Variants in ARMC9 observed in about 807,000 individuals in gnomAD.
The protein encoded by ARMC9 is lisH domain-containing protein ARMC9.
A neutral mutation model predicts 107.0 loss-of-function variants in ARMC9; 94 were observed. The ratio of observed to expected loss-of-function variants is 0.88; its 90% CI spans 0.74 to 1.04. ARMC9 has a LOEUF of 1.04. Ranked by LOEUF, ARMC9 falls within the 50% of genes least tolerant of loss-of-function variation. The pLI is 0.00. For synonymous variants in ARMC9, 380 were observed against 396.9 expected, an observed-to-expected ratio of 0.96 and a Z score of 0.51; for missense variants, 942 against 1,030.1, an observed-to-expected ratio of 0.91 and a Z score of 1.17.
Position 231,375,849 on chromosome 2 carries a change from GAGAA to G in ARMC9, c.*4319_*4322del, listed in dbSNP as rs1323477400. Among the ~76,000 whole-genome samples the G allele has an allele frequency of 2.0e-5, 3 of 152,206 alleles. No individual in the cohort carries two copies. Among genetic ancestry groups the G allele is most frequent in the South Asian group, 2.1e-4 (1 of 4,828 alleles). ...GAAACTGGGGACAGAACCCGGGGGT[GAGAA>G]AGAAGACAGCAGGTGTTGTGGGAAG... is the stretch of plus-strand genomic sequence containing the variant. On this transcript the variant is annotated 3_prime_UTR_variant, in exon 25 of 25. Coordinates refer to ENST00000611582, the MANE Select transcript of ARMC9 (RefSeq NM_001352754.2). The surrounding 1 kb of genome is among the most constrained non-coding windows in gnomAD (Gnocchi z 4.3).
intron 22 of ARMC9, among the ~76,000 whole-genome samples, chr2:231,359,055 T>G (rs1189803303): frequency 6.6e-6 from 1 of 150,590 alleles, no homozygotes; most frequent in East Asian, 2.0e-4. Context: ...TCCTAGCTCC[T>G]GGCTGTCTTA....
intron 8 of ARMC9, among the ~76,000 whole-genome samples, chr2:231,237,521 G>A (rs918240690): frequency 1.3e-5 from 2 of 151,688 alleles, no homozygotes; most frequent in Non-Finnish European, 2.9e-5. Flanking sequence ...ATGGGCATGA[G>A]CATTTTGATA....
intron 17 of ARMC9, among the ~76,000 whole-genome samples, chr2:231,288,169 C>CTAT (rs1010878676): frequency 6.6e-6 from 1 of 151,834 alleles, no homozygotes; most frequent in Non-Finnish European, 1.5e-5. Flanking sequence ...ATGTTAGCTG[C>CTAT]TATTATTATT....
chr2:231,376,394 C>T lies in ARMC9; in HGVS notation c.*4859C>T, dbSNP rs904183755. On this transcript the variant is annotated 3_prime_UTR_variant, in exon 25 of 25. Coordinates refer to ENST00000611582, the MANE Select transcript of ARMC9 (RefSeq NM_001352754.2). ...CATCCCCTGAGAAAGAGAATGCACA[C>T]CTGGGGGTGGGTCTCTGAACTGGCC... Among the ~76,000 whole-genome samples, 4 of 152,156 alleles carry T rather than the reference C, an allele frequency of 2.6e-5. No homozygotes were observed. Among genetic ancestry groups the T allele is most frequent in the African/African-American group, 9.7e-5 (4 of 41,418 alleles).
At chr2:231,325,078 G>A (rs553839375) in intron 19 of ARMC9, among the ~76,000 whole-genome samples, 7 of 152,126 alleles carry the variant, frequency 4.6e-5, no homozygotes, top group Admixed American at 4.6e-4. Flanking sequence ...ACAAAAATTA[G>A]CCAGGCGTAC....
At chr2:231,323,526 AGCTCAGTTTGCTTCC>A (rs2043118993) in intron 19 of ARMC9, among the ~76,000 whole-genome samples, 2 of 152,086 alleles carry the variant, frequency 1.3e-5, no homozygotes, top group Middle Eastern at 3.2e-3. Context: ...CAACTAGCGC[AGCTCAGTTTGCTTCC>A]GCTCTCTCCC....
rs150058513 is a variant in ARMC9 at position 231,352,661 on chromosome 2, G to GGATA, written c.1995-3093_1995-3090dup. ...ACTGAGAAATAATCAGATGTTCACA[G>GGATA]GATAGATAGATAGATAGATAGATAG... On this transcript the variant is annotated intron_variant, in intron 21 of 24. Coordinates refer to ENST00000611582, the MANE Select transcript of ARMC9 (RefSeq NM_001352754.2). 7.0e-3 allele frequency among the ~76,000 whole-genome samples: 1,014 copies of GGATA among 145,280 alleles called. 6 individuals are homozygous for GGATA. Among genetic ancestry groups the GGATA allele is most frequent in the East Asian group, 0.01 (51 of 4,950 alleles).
rs1451831829 is a variant in ARMC9, at chr2:231,256,623, A to G, written c.914+3A>G. The G allele has an allele frequency of 1.2e-6, 2 of 1,613,758 alleles. No homozygotes were observed. Among genetic ancestry groups the G allele is most frequent in the African/African-American group, 2.7e-5 (2 of 75,014 alleles). ...TTACGAGCCTCCTTGGCACCCGTGT[A>G]AGTAACTGCTCTTAGGAATTTTTAT... On this transcript the variant is annotated splice_donor_region_variant and intron_variant, in intron 10 of 24. Coordinates refer to ENST00000611582, the MANE Select transcript of ARMC9 (RefSeq NM_001352754.2).
chr2:231,324,208 A>G (rs1015058254), intron 19 of ARMC9, among the ~76,000 whole-genome samples: 35 of 142,838 alleles, frequency 2.5e-4, no homozygotes, highest in African/African-American at 9.3e-4. Flanking sequence ...GCTCACTGCA[A>G]CCTCCGCCTC....
intron 20 of ARMC9, among the ~76,000 whole-genome samples, chr2:231,344,114 A>G (rs2044677168): frequency 6.6e-6 from 1 of 152,236 alleles, no homozygotes; most frequent in Admixed American, 6.5e-5. Context: ...TTTATAATGA[A>G]CAACCTTGTT....
intron 19 of ARMC9, among the ~76,000 whole-genome samples, chr2:231,309,125 A>G (rs1052078811): frequency 6.6e-6 from 1 of 152,156 alleles, no homozygotes; most frequent in Non-Finnish European, 1.5e-5. Context: ...TTTCTGCAAC[A>G]CTGCTCGTGT....
At chr2:231,322,215 A>T (rs2043037747) in intron 19 of ARMC9, among the ~76,000 whole-genome samples, 1 of 152,244 alleles carries the variant, frequency 6.6e-6, no homozygotes, top group South Asian at 2.1e-4. Context: ...AGTCGTGGGC[A>T]CGTGCTCAGG....
intron 10 of ARMC9, 61 bp downstream of exon 10, chr2:231,256,681 CAA>C: frequency 6.4e-7 from 1 of 1,559,072 alleles, no homozygotes. Context: ...AACGGGAATT[CAA>C]AGTGTCTTTA....
chr2:231,220,494 G>A (rs1244745656), intron 5 of ARMC9, among the ~76,000 whole-genome samples: 1 of 151,552 alleles, frequency 6.6e-6, no homozygotes, highest in Admixed American at 6.6e-5. Flanking sequence ...CTACTCCGGA[G>A]GCTGAGGCAG....
intron 10 of ARMC9, among the ~76,000 whole-genome samples, chr2:231,257,694 A>C (rs1396824240): frequency 2.0e-5 from 3 of 152,196 alleles, no homozygotes; most frequent in Non-Finnish European, 1.5e-5. Context: ...AATGAGGAGA[A>C]TCATAGTAAT....
rs756109871 is a variant in ARMC9 at position 231,222,802 on chromosome 2, A to G, written c.579A>G (p.Pro193=). The G allele has an allele frequency of 6.3e-7, 1 of 1,588,550 alleles. No homozygotes were observed. Among genetic ancestry groups the G allele is most frequent in the Non-Finnish European group, 8.6e-7 (1 of 1,158,444 alleles). Residue 193 remains proline (P), a synonymous_variant, in exon 6 of 25, where the codon CCA becomes CCG. Transcript: ENST00000611582. The part of the protein sequence containing the change: ...LALISKASNT[P]KLLTIYKENG... Reference sequence around the variant, plus strand: ...TAATATCTAAAGCCAGCAACACGCCAAAGCTTTTAACAATATATGTATCCT... The same window carrying G: ...TAATATCTAAAGCCAGCAACACGCCGAAGCTTTTAACAATATATGTATCCT...
chr2:231,203,720 G>T (rs944272677), intron 1 of ARMC9, among the ~76,000 whole-genome samples: 3 of 152,172 alleles, frequency 2.0e-5, no homozygotes, highest in African/African-American at 7.2e-5. Context: ...AGCACTTTGG[G>T]AGGCCGAGGC....
At chr2:231,295,578 G>A (rs16827912) in intron 18 of ARMC9, 19,534 of 152,132 alleles carry the variant, frequency 0.13, 2,747 homozygotes, top group African/African-American at 0.34. Flanking sequence ...GGAGGAAGCC[G>A]GGGCTCTTTC....
intron 9 of ARMC9, among the ~76,000 whole-genome samples, chr2:231,249,671 C>T (rs1345006164): frequency 6.6e-6 from 1 of 152,130 alleles, no homozygotes; most frequent in Non-Finnish European, 1.5e-5. Context: ...TAGAAGGGAG[C>T]CTGGCACGGG....
Sources: gnomAD v4.1 joint callset for allele counts (sites outside exome capture counted in the v4.1 genomes callset) on GRCh38, gnomAD v4.1.1 for gene constraint, Gnocchi (gnomAD v3.1) non-coding constraint, MANE v1.5 for transcripts, NCBI Gene and HGNC (gene_info 2026-07-23, HGNC 2026-07-21) for gene names.